Variants in KTN1 observed in about 807,000 individuals in gnomAD.
The protein encoded by KTN1 is kinectin.
In KTN1, 130 loss-of-function variants were observed where a neutral mutation model predicts 222.5. The ratio of observed to expected loss-of-function variants is 0.58; its 90% CI spans 0.51 to 0.68. The LOEUF (loss-of-function observed/expected upper bound fraction) is 0.68. Among genes scored for constraint, KTN1 ranks in the 30% least tolerant of loss-of-function variants. The pLI is 0.00. For synonymous variants in KTN1, 512 were observed against 496.3 expected, an observed-to-expected ratio of 1.03 and a Z score of -0.42; for missense variants, 1,508 against 1,500.4, an observed-to-expected ratio of 1.01 and a Z score of -0.08.
At chr14:55,639,361 G>GTTT in intron 13 of KTN1, 139 bp downstream of exon 13, 1 of 399,314 alleles carries the variant, frequency 2.5e-6, no homozygotes, top group Non-Finnish European at 4.3e-6. Context: ...AGCAACTTTT[G>GTTT]CTTTTTTTTT....
At chr14:55,647,162 G>A (rs973897621) in intron 19 of KTN1, among the ~76,000 whole-genome samples, 155 bp downstream of exon 19, 4 of 152,112 alleles carry the variant, frequency 2.6e-5, no homozygotes, top group Non-Finnish European at 5.9e-5. Flanking sequence ...GGTTTCACGT[G>A]TGGCAGTAAT....
At chr14:55,599,502 T>C (rs2035622106) in intron 1 of KTN1, among the ~76,000 whole-genome samples, 1 of 152,086 alleles carries the variant, frequency 6.6e-6, no homozygotes. Context: ...TCTCGTTCTG[T>C]TGCCCAGGGC....
chr14:55,632,720 T>G (rs960089192), intron 7 of KTN1, among the ~76,000 whole-genome samples: 3 of 152,144 alleles, frequency 2.0e-5, no homozygotes, highest in Non-Finnish European at 4.4e-5. Flanking sequence ...ATGTAAAAAC[T>G]TGGAAAAAAA....
At chr14:55,619,806 A>C (rs535408916) in intron 5 of KTN1, among the ~76,000 whole-genome samples, 12 of 152,328 alleles carry the variant, frequency 7.9e-5, no homozygotes, top group African/African-American at 2.9e-4. Flanking sequence ...GGGTGGGGAC[A>C]CAGCCAAACC....
chr14:55,679,499 G>T (rs575282992), intron 42 of KTN1, 66 bp from the exon 43 acceptor site: 2 of 1,327,492 alleles, frequency 1.5e-6, no homozygotes, highest in African/African-American at 1.5e-5. Context: ...AACATTTTCT[G>T]TTGTTTGGTT....
intron 10 of KTN1, 88 bp downstream of exon 10, chr14:55,636,624 G>T: frequency 4.3e-6 from 4 of 934,026 alleles, no homozygotes; most frequent in African/African-American, 1.7e-5. Flanking sequence ...AGTATAATTT[G>T]GCATTTTGGT....
intron 1 of KTN1, among the ~76,000 whole-genome samples, chr14:55,590,197 T>C (rs1161041722): frequency 7.2e-5 from 11 of 152,202 alleles, no homozygotes; most frequent in Non-Finnish European, 1.5e-4. Context: ...GTTTGCTTGT[T>C]TGTTTTGATT....
At position 55,612,198 on chromosome 14, in the gene KTN1, C is replaced by T; in HGVS notation, c.150C>T (p.Thr50=). 6.3e-7 allele frequency: 1 copy of T among 1,585,876 alleles called. No individual in the cohort carries two copies. Among genetic ancestry groups the T allele is most frequent in the South Asian group, 1.2e-5 (1 of 84,704 alleles). The change falls in exon 2 of 44, where the codon ACC becomes ACT. Residue 50 remains threonine, a synonymous_variant. Coordinates refer to ENST00000395314, the MANE Select transcript of KTN1 (RefSeq NM_001079521.2). ...AAAGAGAACAAAAGCTTATTCCTAC[C>T]AAAACAGATAAAAAGAAAGCAGAAA... ...KQKREQKLIP[T]KTDKKKAEKK... is the part of the protein sequence containing the mutation.
chr14:55,678,803 T>TCTC, intron 42 of KTN1: 1 of 224,740 alleles, frequency 4.4e-6, no homozygotes, highest in Non-Finnish European at 8.9e-6. Context: ...CTCATAGGAG[T>TCTC]GCAAACCCTA....
intron 1 of KTN1, among the ~76,000 whole-genome samples, chr14:55,597,093 A>G (rs1217285014): frequency 1.3e-5 from 2 of 152,174 alleles, no homozygotes; most frequent in Non-Finnish European, 2.9e-5. Context: ...AAGAACTCAC[A>G]AGGACCACCT....
chr14:55,660,363 G>C (rs949461614), intron 31 of KTN1, among the ~76,000 whole-genome samples: 36 of 145,578 alleles, frequency 2.5e-4, no homozygotes, highest in Non-Finnish European at 2.6e-4. Context: ...CATACATATA[G>C]TCTTTATGAT....
At chr14:55,611,392 C>T (rs901171120) in intron 1 of KTN1, among the ~76,000 whole-genome samples, 22 of 151,456 alleles carry the variant, frequency 1.5e-4, no homozygotes, top group Middle Eastern at 3.4e-3. Context: ...TGAGCCACTG[C>T]GCTTGGTCTG....
chr14:55,605,668 A>C (rs946152477), intron 1 of KTN1, among the ~76,000 whole-genome samples: 1 of 152,226 alleles, frequency 6.6e-6, no homozygotes, highest in Non-Finnish European at 1.5e-5. Context: ...ACTAAAAGCC[A>C]AGACTCTTGC....
At chr14:55,651,013 A>G (rs897349043) in intron 24 of KTN1, among the ~76,000 whole-genome samples, 2 of 152,004 alleles carry the variant, frequency 1.3e-5, no homozygotes, top group Non-Finnish European at 2.9e-5. Context: ...CTTAGAACAA[A>G]GTACAAGTTT....
chr14:55,649,881 A>G, intron 22 of KTN1, 68 bp downstream of exon 22: 1 of 888,782 alleles, frequency 1.1e-6, no homozygotes, highest in Non-Finnish European at 1.8e-6. Flanking sequence ...GTGTGCTTAG[A>G]AATCTAGTTT....
chr14:55,588,985 AT>A (rs11364978), intron 1 of KTN1, among the ~76,000 whole-genome samples: 3,460 of 152,228 alleles, frequency 0.023, 143 homozygotes, highest in African/African-American at 0.079. Context: ...CGAAAAAAAA[AT>A]CTGCATGAAG....
At chr14:55,606,465 C>T (rs918410670) in intron 1 of KTN1, among the ~76,000 whole-genome samples, 3 of 151,792 alleles carry the variant, frequency 2.0e-5, no homozygotes, top group African/African-American at 7.3e-5. Context: ...TTTTGAGCCA[C>T]CCCAGCTGAT....
chr14:55,664,685 G>A (rs116595105), intron 33 of KTN1, among the ~76,000 whole-genome samples: 51 of 152,208 alleles, frequency 3.4e-4, no homozygotes, highest in African/African-American at 1.2e-3. Context: ...CAGAACAATG[G>A]AGGACATTCT....
intron 5 of KTN1, among the ~76,000 whole-genome samples, chr14:55,624,765 A>G (rs1363918274): frequency 6.6e-6 from 1 of 152,204 alleles, no homozygotes; most frequent in East Asian, 1.9e-4. Context: ...ACCAGGAGGT[A>G]GTGGAATCAC....
Sources: allele counts gnomAD v4.1 joint callset (sites outside exome capture counted in the v4.1 genomes callset), GRCh38; gene constraint gnomAD v4.1.1; transcripts MANE v1.5; gene names NCBI Gene and HGNC (gene_info 2026-07-23, HGNC 2026-07-21).